The following PCYT1A variants were observed in gnomAD, a reference collection of about 807,000 sequenced individuals.
The protein encoded by PCYT1A is choline-phosphate cytidylyltransferase A.
Under a neutral mutation model 43.7 loss-of-function variants are expected in PCYT1A, and 25 were observed. That is an observed-to-expected ratio of 0.57 (90% CI 0.42 to 0.80). PCYT1A has a LOEUF of 0.80. Among genes scored for constraint, PCYT1A ranks in the 30% least tolerant of loss-of-function variants. The pLI is 0.00. For missense variants in PCYT1A, 421 were observed against 474.2 expected (o/e 0.89, Z 1.04); for synonymous variants, 172 against 170.7 (o/e 1.01, Z -0.06).
Position 196,236,776 on chromosome 3 carries a change from C to G in PCYT1A, c.*1912G>C, listed in dbSNP as rs1222732089. ...CCGCCTCCTGGGTTCAAGGGATTCT[C>G]CTGCCTCAGCCTCCCAAGTAGCTGG... On this transcript the variant is annotated 3_prime_UTR_variant, in exon 9 of 9. Coordinates refer to ENST00000431016, the MANE Select transcript of PCYT1A (RefSeq NM_001312673.2). 6.6e-6 allele frequency: 1 copy of G among 152,330 alleles called. No homozygotes were observed. The highest frequency in any genetic ancestry group is 1.5e-5 in the Non-Finnish European group (1 of 68,134). 9.4% of individuals were successfully genotyped at this position (152,330 alleles called of 1,614,324 possible). A position where few individuals can be genotyped will look rare whatever the true frequency, so the allele number is the denominator to read the frequency against.
At chr3:196,245,727 A>C (rs1017711685) in intron 5 of PCYT1A, among the ~76,000 whole-genome samples, 3 of 152,098 alleles carry the variant, frequency 2.0e-5, no homozygotes, top group African/African-American at 7.2e-5. Context: ...GGCCGGGTGG[A>C]TCACCTGAGG....
At position 196,238,446 on chromosome 3, in the gene PCYT1A, G is replaced by C. The variant is rs182349073; in HGVS notation, c.*242C>G. The C allele has an allele frequency of 3.9e-3, 1,388 of 355,556 alleles. 21 individuals are homozygous for C. The highest frequency in any genetic ancestry group is 0.027 in the African/African-American group (1,224 of 45,320). 22.0% of individuals were successfully genotyped at this position (355,556 alleles called of 1,614,324 possible). ...CATAAACAGTGAAACAAAGCCCTTG[G>C]GGGGGGGTAAATGGATGCAGAGCAG... On this transcript the variant is annotated 3_prime_UTR_variant, in exon 9 of 9. Transcript: ENST00000431016.
At chr3:196,265,588 C>T (rs1725242663) in intron 2 of PCYT1A, among the ~76,000 whole-genome samples, 2 of 152,254 alleles carry the variant, frequency 1.3e-5, no homozygotes, top group South Asian at 2.1e-4. Context: ...GTGATCCTTC[C>T]TATTCCTTTC....
chr3:196,280,570 GTTTTTT>G, intron 1 of PCYT1A, among the ~76,000 whole-genome samples: 1 of 91,344 alleles, frequency 1.1e-5, no homozygotes, highest in East Asian at 3.2e-4. Flanking sequence ...TATTTTTATT[GTTTTTT>G]TTTTTTTTTT....
At chr3:196,249,760 G>T (rs1371804792) in intron 3 of PCYT1A, among the ~76,000 whole-genome samples, 4 of 152,224 alleles carry the variant, frequency 2.6e-5, no homozygotes, top group African/African-American at 7.2e-5. Flanking sequence ...AGTGTCATCA[G>T]ATACACTATG....
At chr3:196,259,844 CAAA>C (rs112667455) in intron 2 of PCYT1A, among the ~76,000 whole-genome samples, 1 of 99,830 alleles carries the variant, frequency 1.0e-5, no homozygotes. Context: ...GACCCTGTCT[CAAA>C]AAAAAAAAAA....
In PCYT1A at chr3:196,238,699, C is replaced by T. The variant is rs752768453; in HGVS notation, c.1093G>A (p.Glu365Lys). The change falls in exon 9 of 9, where the codon GAA becomes AAA. Residue 365 changes from glutamate (E) to lysine (K), a missense_variant. Glu to Lys is a moderately conservative substitution (Grantham distance 56). Coordinates refer to ENST00000431016, the MANE Select transcript of PCYT1A (RefSeq NM_001312673.2). ...KAAAYDISEDEED is the reference protein window; with the variant it reads ...KAAAYDISEDKED ...GGAGGGAGGAAACATTAGTCTTCTT[C>T]ATCCTCACTGATATCATAGGCTGCA... The T allele has an allele frequency of 1.3e-6, 2 of 1,550,614 alleles. No homozygotes were observed. Among genetic ancestry groups the T allele is most frequent in the Admixed American group, 2.0e-5 (1 of 50,302 alleles).
At chr3:196,281,654 A>G (rs1725775212) in intron 1 of PCYT1A, among the ~76,000 whole-genome samples, 1 of 152,186 alleles carries the variant, frequency 6.6e-6, no homozygotes. Context: ...CCTAGATGAA[A>G]TCAGGACCAG....
At chr3:196,243,574 C>T (rs1724435987) in intron 5 of PCYT1A, among the ~76,000 whole-genome samples, 2 of 152,124 alleles carry the variant, frequency 1.3e-5, no homozygotes, top group South Asian at 4.1e-4. Context: ...TGGTCTCCCT[C>T]TGATGCCGAG....
chr3:196,250,637 CTGAGGATCAGATACACTATGTTGAGGT>C (rs1724735418), intron 3 of PCYT1A: 1 of 164,174 alleles, frequency 6.1e-6, no homozygotes, highest in Admixed American at 6.6e-5. Flanking sequence ...TATGCTGAGG[CTGAGGATCAGATACACTATGTTGAGGT>C]TGAGGATCAG....
Position 196,242,171 on chromosome 3 carries a change from A to G in PCYT1A, c.566-81T>C, listed in dbSNP as rs1442052053. On this transcript the variant is annotated intron_variant, in intron 6 of 8. Coordinates refer to ENST00000431016, the MANE Select transcript of PCYT1A (RefSeq NM_001312673.2). This position sits in a 1 kb window ranked among gnomAD's most constrained non-coding sequence, Gnocchi z 4.2. ...TAAGACTAAATGGAAATTGGGGGCA[A>G]CATTCCTTTCCTTTCCTCAAAAAGC... is the stretch of plus-strand genomic sequence containing the variant. 1 of 1,383,804 alleles carries G rather than the reference A, an allele frequency of 7.2e-7. No homozygotes were observed. The highest frequency in any genetic ancestry group is 1.4e-5 in the African/African-American group (1 of 70,518). The allele number at this position is 1,383,804 out of a possible 1,614,324, so 85.7% of individuals were successfully genotyped here.
intron 3 of PCYT1A, among the ~76,000 whole-genome samples, chr3:196,250,117 C>T (rs557826404): frequency 3.5e-5 from 5 of 141,156 alleles, no homozygotes; most frequent in South Asian, 2.4e-4. Context: ...TACACCATGC[C>T]GAGGCTGAGG....
At chr3:196,267,720 A>C (rs1220699642) in intron 2 of PCYT1A, among the ~76,000 whole-genome samples, 1 of 152,160 alleles carries the variant, frequency 6.6e-6, no homozygotes, top group South Asian at 2.1e-4. Context: ...CTGTCTCAAA[A>C]AAAAAAAGAA....
rs777320008 is a variant in PCYT1A, at chr3:196,239,631, G to A, written c.813C>T (p.Ser271=). ...KEFVQKVEEK[S]IDLIQKWEEK... ...CCTCCCACTTCTGAATGAGGTCAAT[G>A]CTTTTTTCCTCCACCTTCTGAACAA... The change falls in exon 8 of 9, where the codon AGC becomes AGT. Residue 271 remains serine, a synonymous_variant. Transcript: ENST00000431016. The A allele has an allele frequency of 3.9e-5, 62 of 1,609,576 alleles. No individual in the cohort carries two copies. The highest frequency in any genetic ancestry group is 5.1e-5 in the Non-Finnish European group (60 of 1,175,990).
At chr3:196,249,156 T>G (rs1724669039) in intron 3 of PCYT1A, among the ~76,000 whole-genome samples, 1 of 150,882 alleles carries the variant, frequency 6.6e-6, no homozygotes, top group Admixed American at 6.6e-5. Flanking sequence ...ACCTTTTCAT[T>G]TTTTTTTTGA....
intron 5 of PCYT1A, among the ~76,000 whole-genome samples, chr3:196,243,712 T>C (rs1211864612): frequency 2.6e-5 from 4 of 152,254 alleles, no homozygotes; most frequent in African/African-American, 4.8e-5. Flanking sequence ...TTTCGTATTT[T>C]TTTGGTGGAG....
In PCYT1A at chr3:196,252,123, C is replaced by T. The variant is rs151287744; in HGVS notation, c.218-3800G>A. Among the ~76,000 whole-genome samples, 398 of 151,454 alleles carry T rather than the reference C, an allele frequency of 2.6e-3. 2 individuals carry two copies. Among genetic ancestry groups the T allele is most frequent in the Non-Finnish European group, 4.7e-3 (319 of 67,840 alleles). On this transcript the variant is annotated intron_variant, in intron 3 of 8. Coordinates refer to ENST00000431016, the MANE Select transcript of PCYT1A (RefSeq NM_001312673.2). The surrounding 1 kb of genome is among the most constrained non-coding windows in gnomAD (Gnocchi z 4.0). ...CCGCAGACTACAGCGCACCCCGCCA[C>T]GCCCCACTGGCTACAGTGCACACCG...
rs543727718 is a variant in PCYT1A at position 196,237,467 on chromosome 3, G to C, written c.*1221C>G. ...CCTACCACACTCTTGTCACGTGAGG[G>C]TATGCTCTGTGGCTTGCTGGAGGAG... On this transcript the variant is annotated 3_prime_UTR_variant, in exon 9 of 9. Coordinates refer to ENST00000431016, the MANE Select transcript of PCYT1A (RefSeq NM_001312673.2). 2.6e-5 allele frequency: 4 copies of C among 152,260 alleles called. No individual in the cohort carries two copies. The highest frequency in any genetic ancestry group is 2.6e-4 in the Admixed American group (4 of 15,282). The allele number at this position is 152,260 out of a possible 1,614,324, so 9.4% of individuals were successfully genotyped here. A position where few individuals can be genotyped will look rare whatever the true frequency, so the allele number is the denominator to read the frequency against.
At position 196,247,364 on chromosome 3, in the gene PCYT1A, TACCC is replaced by T; in HGVS notation, c.485_486+2del. The T allele has an allele frequency of 6.2e-7, 1 of 1,613,864 alleles. No homozygotes were observed. The highest frequency in any genetic ancestry group is 8.5e-7 in the Non-Finnish European group (1 of 1,179,996). ...GAATGGGAATATGTGTCCAGTTTCT[TACCC>T]GGTGTTCGGCCAGGAACTCGGGTGT... On this transcript the variant is annotated splice_donor_variant and coding_sequence_variant, in exon 5 of 9. Coordinates refer to ENST00000431016, the MANE Select transcript of PCYT1A (RefSeq NM_001312673.2). LOFTEE classifies it high-confidence loss of function. The surrounding 1 kb of genome is among the most constrained non-coding windows in gnomAD (Gnocchi z 4.8).
Sources: gnomAD v4.1 joint callset for allele counts (sites outside exome capture counted in the v4.1 genomes callset) on GRCh38, gnomAD v4.1.1 for gene constraint, Gnocchi (gnomAD v3.1) non-coding constraint, MANE v1.5 for transcripts, NCBI Gene and HGNC (gene_info 2026-07-23, HGNC 2026-07-21) for gene names.